Variants in SLC35F4 observed in about 807,000 individuals in gnomAD.
SLC35F4 encodes the protein solute carrier family 35 member F4.
In SLC35F4, 24 loss-of-function variants were observed where a neutral mutation model predicts 44.2. The observed-to-expected ratio is 0.54, with a 90% CI of 0.39 to 0.76. The LOEUF is 0.76. Among genes scored for constraint, SLC35F4 ranks in the 30% least tolerant of loss-of-function variants. SLC35F4 has a pLI of 0.00. For synonymous variants in SLC35F4, 238 were observed against 223.6 expected (o/e 1.06, Z -0.57); for missense variants, 562 against 586.1 (o/e 0.96, Z 0.42).
At chr14:57,594,639 G>C (rs1235689752) in intron 1 of SLC35F4, among the ~76,000 whole-genome samples, 1 of 152,204 alleles carries the variant, frequency 6.6e-6, no homozygotes, top group Non-Finnish European at 1.5e-5. Context: ...CAGTCAAATA[G>C]TTTAAGGCAA....
intron 1 of SLC35F4, among the ~76,000 whole-genome samples, chr14:57,668,913 C>A (rs974026791): frequency 9.2e-5 from 14 of 151,964 alleles, no homozygotes; most frequent in South Asian, 2.1e-4. Flanking sequence ...CTATAAATTA[C>A]CTTGGGCAGT....
chr14:57,690,998 G>T (rs987885248), intron 1 of SLC35F4, among the ~76,000 whole-genome samples: 2 of 152,170 alleles, frequency 1.3e-5, no homozygotes, highest in African/African-American at 4.8e-5. Flanking sequence ...CCAACCCTGG[G>T]TACCATGGTA....
At position 57,581,226 on chromosome 14, in the gene SLC35F4, G is replaced by A; in HGVS notation, c.795C>T (p.Phe265=). 12 of 1,578,156 alleles carry A rather than the reference G, an allele frequency of 7.6e-6. No homozygotes were observed. Among genetic ancestry groups the A allele is most frequent in the African/African-American group, 2.7e-5 (2 of 73,398 alleles). The change falls in exon 4 of 8, where the codon TTC becomes TTT. Residue 265 remains phenylalanine (F), a synonymous_variant. Coordinates refer to ENST00000556826, the MANE Select transcript of SLC35F4 (RefSeq NM_001306087.2). ...AGTATGCCATTACCCTCACTCCCAT[G>A]AACCTGTCTTTCAGCACAATCCATG... ...LLSWIVLKDR[F]MGVRIVAAIM... is the part of the protein sequence containing the mutation.
intron 1 of SLC35F4, among the ~76,000 whole-genome samples, chr14:57,911,811 T>C (rs1889220658): frequency 6.6e-6 from 1 of 152,046 alleles, no homozygotes; most frequent in African/African-American, 2.4e-5. Context: ...TTAGGAAGTA[T>C]TTCCTCTGCT....
intron 1 of SLC35F4, among the ~76,000 whole-genome samples, chr14:57,712,141 C>T (rs2075831629): frequency 6.6e-6 from 1 of 152,178 alleles, no homozygotes; most frequent in Non-Finnish European, 1.5e-5. Context: ...CCACAAAGGA[C>T]AATAAGGTAT....
intron 3 of SLC35F4, among the ~76,000 whole-genome samples, chr14:57,582,352 T>G (rs2069344862): frequency 6.6e-6 from 1 of 152,094 alleles, no homozygotes; most frequent in Non-Finnish European, 1.5e-5. Flanking sequence ...CGCACCACCA[T>G]GCCAGGCTAG....
intron 1 of SLC35F4, among the ~76,000 whole-genome samples, chr14:57,980,624 T>C (rs1169841092): frequency 6.8e-6 from 1 of 147,126 alleles, no homozygotes; most frequent in East Asian, 2.1e-4. Context: ...CCACCTGGTT[T>C]GTGGGCGTAC....
chr14:57,619,939 T>C (rs925061402), intron 1 of SLC35F4, among the ~76,000 whole-genome samples: 2 of 151,420 alleles, frequency 1.3e-5, no homozygotes, highest in Non-Finnish European at 2.9e-5. Context: ...AGAACAGATA[T>C]CAGAGACTGA....
intron 1 of SLC35F4, among the ~76,000 whole-genome samples, chr14:57,794,382 A>C (rs551738498): frequency 4.2e-4 from 64 of 152,128 alleles, no homozygotes; most frequent in Non-Finnish European, 7.1e-4. Flanking sequence ...AAGTGGGCAA[A>C]CAACATAAAC....
chr14:57,589,149 T>TA, intron 3 of SLC35F4, 67 bp downstream of exon 3: 1 of 1,499,356 alleles, frequency 6.7e-7, no homozygotes, highest in Non-Finnish European at 9.0e-7. Context: ...TCCCAAGAGA[T>TA]AAAAATAGGC....
At chr14:57,663,656 C>A (rs1266779791) in intron 1 of SLC35F4, among the ~76,000 whole-genome samples, 1 of 152,132 alleles carries the variant, frequency 6.6e-6, no homozygotes, top group Non-Finnish European at 1.5e-5. Flanking sequence ...CAAGCATCAA[C>A]CCTTTAGTTC....
chr14:57,980,168 T>C (rs1366283264), intron 1 of SLC35F4, among the ~76,000 whole-genome samples: 1 of 152,196 alleles, frequency 6.6e-6, no homozygotes, highest in Non-Finnish European at 1.5e-5. Flanking sequence ...CATATTGTAA[T>C]AATGTGACTA....
intron 1 of SLC35F4, among the ~76,000 whole-genome samples, chr14:57,781,474 A>G (rs1162627378): frequency 6.6e-6 from 1 of 152,192 alleles, no homozygotes; most frequent in Non-Finnish European, 1.5e-5. Flanking sequence ...AGGAGTGTAA[A>G]TTAGTTCAAC....
upstream of SLC35F4, among the ~76,000 whole-genome samples, chr14:57,870,098 T>C (rs1441598243): frequency 3.3e-5 from 5 of 151,888 alleles, no homozygotes; most frequent in Non-Finnish European, 7.4e-5. Context: ...AACATATATA[T>C]TCAAATTTTA....
chr14:57,628,657 A>T (rs12892625), intron 1 of SLC35F4, among the ~76,000 whole-genome samples: 15,008 of 151,872 alleles, frequency 0.099, 980 homozygotes, highest in Non-Finnish European at 0.15. Flanking sequence ...TTAGTATTCC[A>T]TGGTGTATAT....
At chr14:57,582,820 C>T (rs939329810) in intron 3 of SLC35F4, among the ~76,000 whole-genome samples, 3 of 152,114 alleles carry the variant, frequency 2.0e-5, no homozygotes, top group African/African-American at 7.2e-5. Context: ...AAATTCTAGC[C>T]AATGTTTGCC....
chr14:57,964,991 A>AAAATATATATATATATATATAGATATAT (rs1555331532), intron 1 of SLC35F4, among the ~76,000 whole-genome samples: 1 of 115,696 alleles, frequency 8.6e-6, no homozygotes, highest in African/African-American at 3.7e-5. Flanking sequence ...AAAAAAAAAA[A>AAAATATATATATATATATATAGATATAT]ATATATATAT....
chr14:57,677,320 G>A (rs2074726014), intron 1 of SLC35F4, among the ~76,000 whole-genome samples: 1 of 151,718 alleles, frequency 6.6e-6, no homozygotes, highest in Non-Finnish European at 1.5e-5. Flanking sequence ...AAACTACTTG[G>A]GTGATGGGTG....
intron 1 of SLC35F4, among the ~76,000 whole-genome samples, chr14:57,742,401 A>C (rs62003381): frequency 0.035 from 5,270 of 152,324 alleles, 133 homozygotes; most frequent in South Asian, 0.059. Context: ...AATGGAAAAC[A>C]ACATAAAGCA....
Sources: allele counts gnomAD v4.1 joint callset (sites outside exome capture counted in the v4.1 genomes callset), GRCh38; gene constraint gnomAD v4.1.1; transcripts MANE v1.5; gene names NCBI Gene and HGNC (gene_info 2026-07-23, HGNC 2026-07-21).